The following RBFOX1 variants were observed in gnomAD, a reference collection of about 807,000 sequenced individuals.
RBFOX1 encodes RNA binding protein fox-1 homolog 1.
A neutral mutation model predicts 57.7 loss-of-function variants in RBFOX1; 8 were observed. The ratio of observed to expected loss-of-function variants is 0.14; its 90% CI spans 0.08 to 0.25. The LOEUF (loss-of-function observed/expected upper bound fraction) is 0.25, where lower values mean the gene tolerates loss of function less well. Among genes scored for constraint, RBFOX1 ranks in the 10% least tolerant of loss-of-function variants. The pLI is 1.00. For missense variants in RBFOX1, 611 were observed against 548.5 expected, an observed-to-expected ratio of 1.11 and a Z score of -1.14; for synonymous variants, 326 against 222.4, an observed-to-expected ratio of 1.47 and a Z score of -4.15.
intron 2 of RBFOX1, among the ~76,000 whole-genome samples, chr16:6,581,018 T>C (rs2097530109): frequency 6.6e-6 from 1 of 151,478 alleles, no homozygotes; most frequent in Middle Eastern, 3.2e-3. Context: ...ATGTGAAAAA[T>C]GTGATTTTAG....
chr16:6,818,655 T>C (rs963818939), intron 3 of RBFOX1, among the ~76,000 whole-genome samples: 3 of 152,254 alleles, frequency 2.0e-5, no homozygotes, highest in East Asian at 1.9e-4. Context: ...TATTCATTTT[T>C]CCCCCCTTCT....
At chr16:5,973,231 A>G (rs1308740879) in intron 4 of RBFOX1, among the ~76,000 whole-genome samples, 1 of 152,220 alleles carries the variant, frequency 6.6e-6, no homozygotes. Context: ...AGAAGGAGGT[A>G]TTGGAAAATA....
intron 3 of RBFOX1, among the ~76,000 whole-genome samples, chr16:5,718,152 A>G (rs971801706): frequency 7.2e-5 from 11 of 152,208 alleles, no homozygotes; most frequent in Non-Finnish European, 5.9e-5. Flanking sequence ...TGCCCCTGCC[A>G]TTGTCATGAT....
chr16:6,292,841 C>T (rs908568675), intron 1 of RBFOX1, among the ~76,000 whole-genome samples: 16 of 152,188 alleles, frequency 1.1e-4, no homozygotes, highest in Non-Finnish European at 2.9e-5. Context: ...CATTTCTGAG[C>T]ACTTCCGTTT....
intron 2 of RBFOX1, among the ~76,000 whole-genome samples, chr16:6,607,335 A>G (rs957755792): frequency 6.6e-6 from 1 of 152,222 alleles, no homozygotes; most frequent in Non-Finnish European, 1.5e-5. Context: ...GCATTAGGAT[A>G]TAATAATTCA....
chr16:7,060,052 G>A (rs1033478797), intron 4 of RBFOX1, among the ~76,000 whole-genome samples: 23 of 152,234 alleles, frequency 1.5e-4, no homozygotes, highest in Admixed American at 5.9e-4. Flanking sequence ...TTTTCAATGT[G>A]TCTTGACATT....
At chr16:6,845,305 A>C (rs1357865845) in intron 3 of RBFOX1, among the ~76,000 whole-genome samples, 1 of 149,320 alleles carries the variant, frequency 6.7e-6, no homozygotes, top group East Asian at 2.0e-4. Context: ...GTGTTTTTAG[A>C]GTTTTGGGTT....
intron 4 of RBFOX1, among the ~76,000 whole-genome samples, chr16:5,907,735 T>C (rs2152200034): frequency 6.7e-6 from 1 of 149,192 alleles, no homozygotes. Flanking sequence ...ATCATCATCA[T>C]CATCATCATC....
At chr16:7,157,207 C>T (rs1185546430) in intron 4 of RBFOX1, among the ~76,000 whole-genome samples, 2 of 152,208 alleles carry the variant, frequency 1.3e-5, no homozygotes, top group Non-Finnish European at 2.9e-5. Context: ...TGGAAAGCCT[C>T]TCCTTGTGTG....
At chr16:6,228,035 G>C (rs142957172) in intron 1 of RBFOX1, among the ~76,000 whole-genome samples, 2 of 152,182 alleles carry the variant, frequency 1.3e-5, no homozygotes, top group African/African-American at 2.4e-5. Context: ...ATATGGCCAG[G>C]CACGGTGGCT....
chr16:6,521,186 G>C (rs2096490422), intron 2 of RBFOX1, among the ~76,000 whole-genome samples: 1 of 151,980 alleles, frequency 6.6e-6, no homozygotes, highest in African/African-American at 2.4e-5. Context: ...CCTAACAATG[G>C]GTATTGCTTA....
chr16:6,647,743 A>G (rs931502832), intron 2 of RBFOX1, among the ~76,000 whole-genome samples: 1 of 151,412 alleles, frequency 6.6e-6, no homozygotes, highest in Admixed American at 6.6e-5. Context: ...GATGTGTTGC[A>G]TTTTTTTTTA....
At chr16:7,114,086 C>T (rs1027436993) in intron 4 of RBFOX1, among the ~76,000 whole-genome samples, 5 of 152,190 alleles carry the variant, frequency 3.3e-5, no homozygotes, top group African/African-American at 1.2e-4. Flanking sequence ...TCTCTCACCT[C>T]AGACTTGGGC....
chr16:6,583,282 C>G (rs754985081), intron 2 of RBFOX1, among the ~76,000 whole-genome samples: 1 of 152,148 alleles, frequency 6.6e-6, no homozygotes, highest in Non-Finnish European at 1.5e-5. Flanking sequence ...TGTGCAACTT[C>G]AGGACCAGGA....
chr16:6,896,959 A>T (rs12920564), intron 3 of RBFOX1, among the ~76,000 whole-genome samples: 1 of 152,228 alleles, frequency 6.6e-6, no homozygotes, highest in African/African-American at 2.4e-5. Context: ...CTCAGAATGC[A>T]GCTGACAGGC....
At chr16:7,664,332 C>A (rs2068611434) in intron 12 of RBFOX1, among the ~76,000 whole-genome samples, 1 of 152,146 alleles carries the variant, frequency 6.6e-6, no homozygotes, top group African/African-American at 2.4e-5. Flanking sequence ...CACCCACATA[C>A]TATTAGAGAT....
At chr16:5,824,615 T>C (rs1567590332) in intron 3 of RBFOX1, among the ~76,000 whole-genome samples, 1 of 152,190 alleles carries the variant, frequency 6.6e-6, no homozygotes, top group Admixed American at 6.5e-5. Context: ...TGTTGAATAA[T>C]TGAAAATGAA....
intron 3 of RBFOX1, among the ~76,000 whole-genome samples, chr16:5,611,719 T>TCCATCC (rs2047801150): frequency 2.6e-5 from 3 of 114,692 alleles, no homozygotes; most frequent in South Asian, 3.5e-4. Flanking sequence ...TCCATCCATC[T>TCCATCC]ATCCATCCAT....
intron 2 of RBFOX1, among the ~76,000 whole-genome samples, chr16:6,463,496 T>C (rs954228333): frequency 2.6e-5 from 4 of 152,176 alleles, no homozygotes; most frequent in Admixed American, 6.5e-5. Context: ...CTTTTTGAAC[T>C]GATGAACTAG....
Sources: gnomAD v4.1 joint callset for allele counts (sites outside exome capture counted in the v4.1 genomes callset) on GRCh38, gnomAD v4.1.1 for gene constraint, MANE v1.5 for transcripts, NCBI Gene and HGNC (gene_info 2026-07-23, HGNC 2026-07-21) for gene names.